Variants in CNTNAP2 observed in about 807,000 individuals in gnomAD.
CNTNAP2 encodes the protein contactin associated protein 2, also known as contactin-associated protein-like 2.
CNTNAP2 carries 98 observed loss-of-function variants against 155.2 expected under a neutral mutation model. The observed-to-expected ratio is 0.63, with a 90% CI of 0.54 to 0.75. CNTNAP2 has a LOEUF of 0.75. CNTNAP2 is among the 30% of genes least tolerant of loss of function. The pLI is 0.00. For synonymous variants in CNTNAP2, 651 were observed against 631.2 expected (o/e 1.03, Z -0.47); for missense variants, 1,727 against 1,688.1 (o/e 1.02, Z -0.40).
chr7:146,868,713 A>G (rs1330237058), intron 3 of CNTNAP2, among the ~76,000 whole-genome samples: 3 of 151,860 alleles, frequency 2.0e-5, no homozygotes, highest in Non-Finnish European at 4.4e-5. Flanking sequence ...TGTAATTCTC[A>G]TTGTAGAGAT....
intron 21 of CNTNAP2, among the ~76,000 whole-genome samples, chr7:148,347,498 A>G (rs1798348023): frequency 1.3e-5 from 2 of 152,160 alleles, no homozygotes; most frequent in South Asian, 4.1e-4. Context: ...ACCTAAACCA[A>G]CATCTCTTTG....
intron 1 of CNTNAP2, among the ~76,000 whole-genome samples, chr7:146,287,973 C>A (rs1486658259): frequency 6.6e-6 from 1 of 151,974 alleles, no homozygotes; most frequent in African/African-American, 2.4e-5. Flanking sequence ...TCTCTTATGT[C>A]TTAAAATTAG....
intron 1 of CNTNAP2, among the ~76,000 whole-genome samples, chr7:146,498,988 AC>A (rs1185464355): frequency 6.6e-6 from 1 of 152,138 alleles, no homozygotes; most frequent in African/African-American, 2.4e-5. Flanking sequence ...GAGAAATCTT[AC>A]CTGTTTCAAA....
intron 1 of CNTNAP2, among the ~76,000 whole-genome samples, chr7:146,380,799 T>C (rs1795372372): frequency 8.7e-6 from 1 of 114,490 alleles, no homozygotes; most frequent in Non-Finnish European, 1.8e-5. Context: ...TTTTTTTTTT[T>C]TTTTTTTTTT....
chr7:146,657,777 G>A (rs1370962920), intron 1 of CNTNAP2, among the ~76,000 whole-genome samples: 1 of 151,996 alleles, frequency 6.6e-6, no homozygotes, highest in African/African-American at 2.4e-5. Context: ...TTGTCAAAAA[G>A]AGTCTAATTT....
chr7:147,161,034 G>A (rs542220417), intron 8 of CNTNAP2, among the ~76,000 whole-genome samples: 3 of 152,110 alleles, frequency 2.0e-5, no homozygotes, highest in Non-Finnish European at 4.4e-5. Context: ...GGACATTCAA[G>A]AGACAGTGAA....
chr7:147,977,943 C>T lies in CNTNAP2; in HGVS notation c.2337C>T (p.Gly779=). Reference sequence around the variant, plus strand: ...TGGTTGGAGATACTGACCGTCAAGGCTCAGAAGCCAAATTGAGCGTAGGTC... The same window carrying T: ...TGGTTGGAGATACTGACCGTCAAGGTTCAGAAGCCAAATTGAGCGTAGGTC... ...QVVVGDTDRQ[G]SEAKLSVGPL... is the part of the protein sequence containing the mutation. Residue 779 remains glycine, a synonymous_variant, in exon 15 of 24, where the codon GGC becomes GGT. Transcript: ENST00000361727. The T allele has an allele frequency of 3.7e-6, 6 of 1,614,114 alleles. No individual in the cohort carries two copies. The highest frequency in any genetic ancestry group is 5.1e-6 in the Non-Finnish European group (6 of 1,180,018).
At chr7:146,880,098 G>A (rs1795512787) in intron 3 of CNTNAP2, among the ~76,000 whole-genome samples, 1 of 151,966 alleles carries the variant, frequency 6.6e-6, no homozygotes, top group Non-Finnish European at 1.5e-5. Context: ...GGGAATTATG[G>A]CAGCTAAAAT....
chr7:147,077,198 T>A (rs1386302938), intron 4 of CNTNAP2, among the ~76,000 whole-genome samples: 1 of 152,032 alleles, frequency 6.6e-6, no homozygotes, highest in African/African-American at 2.4e-5. Flanking sequence ...GATTTTAATC[T>A]TTTTTTTACT....
chr7:147,736,553 A>G (rs909253422), intron 13 of CNTNAP2, among the ~76,000 whole-genome samples: 2 of 152,096 alleles, frequency 1.3e-5, no homozygotes, highest in Non-Finnish European at 2.9e-5. Flanking sequence ...TATTTCCTGA[A>G]TTTGAATGTT....
intron 21 of CNTNAP2, among the ~76,000 whole-genome samples, chr7:148,312,815 G>C (rs1038975371): frequency 2.6e-5 from 4 of 151,882 alleles, no homozygotes; most frequent in South Asian, 4.2e-4. Context: ...AGGGGGTAAG[G>C]GTGATTAGGT....
At chr7:148,333,448 TC>T (rs1188055874) in intron 21 of CNTNAP2, among the ~76,000 whole-genome samples, 1 of 91,136 alleles carries the variant, frequency 1.1e-5, no homozygotes, top group African/African-American at 3.3e-5. Flanking sequence ...AAAAAAACAC[TC>T]ATTTTTTAGG....
At chr7:147,262,620 C>T (rs866170427) in intron 8 of CNTNAP2, among the ~76,000 whole-genome samples, 2 of 152,062 alleles carry the variant, frequency 1.3e-5, no homozygotes, top group Non-Finnish European at 2.9e-5. Context: ...CTGGCTAACA[C>T]GGTGAAACCC....
chr7:146,414,427 A>T (rs1795908575), intron 1 of CNTNAP2, among the ~76,000 whole-genome samples: 1 of 141,942 alleles, frequency 7.0e-6, no homozygotes, highest in African/African-American at 3.1e-5. Flanking sequence ...CTCTTGAGAA[A>T]TCTGAAGGTC....
At chr7:146,897,904 A>AT (rs2129212925) in intron 3 of CNTNAP2, among the ~76,000 whole-genome samples, 1 of 152,170 alleles carries the variant, frequency 6.6e-6, no homozygotes, top group Non-Finnish European at 1.5e-5. Context: ...TGCCTCATTT[A>AT]TCCCCCTAGA....
intron 13 of CNTNAP2, among the ~76,000 whole-genome samples, chr7:147,751,924 C>A (rs888828334): frequency 6.6e-6 from 1 of 152,036 alleles, no homozygotes; most frequent in Admixed American, 6.6e-5. Flanking sequence ...AAAATCAAGA[C>A]CAGAGAGGTT....
intron 13 of CNTNAP2, among the ~76,000 whole-genome samples, chr7:147,898,770 A>T (rs1265755636): frequency 6.6e-6 from 1 of 152,050 alleles, no homozygotes; most frequent in Non-Finnish European, 1.5e-5. Flanking sequence ...TGCCCACCTC[A>T]GCCTCCCAAA....
At chr7:147,083,619 AAAT>A (rs1227230979) in intron 4 of CNTNAP2, among the ~76,000 whole-genome samples, 4 of 145,756 alleles carry the variant, frequency 2.7e-5, no homozygotes, top group African/African-American at 7.5e-5. Context: ...TATATATAAA[AAAT>A]ATATCTGTAT....
intron 22 of CNTNAP2, among the ~76,000 whole-genome samples, chr7:148,386,491 G>C (rs1730420): frequency 6.6e-6 from 1 of 151,994 alleles, no homozygotes; most frequent in East Asian, 1.9e-4. Context: ...TGGTGCCACT[G>C]CAAGACTCTG....
Sources: gnomAD v4.1 joint callset for allele counts (sites outside exome capture counted in the v4.1 genomes callset) on GRCh38, gnomAD v4.1.1 for gene constraint, MANE v1.5 for transcripts, NCBI Gene and HGNC (gene_info 2026-07-23, HGNC 2026-07-21) for gene names.